Variants in RAB11FIP2 observed in about 807,000 individuals in gnomAD.
RAB11FIP2 encodes the protein RAB11 family interacting protein 2.
In RAB11FIP2, 16 loss-of-function variants were observed where a neutral mutation model predicts 40.9. The ratio of observed to expected loss-of-function variants is 0.39; its 90% CI spans 0.26 to 0.59. RAB11FIP2 has a LOEUF of 0.59. RAB11FIP2 is among the 20% of genes least tolerant of loss of function. The pLI, the probability that RAB11FIP2 is intolerant of heterozygous loss-of-function variation, is 0.53. For synonymous variants in RAB11FIP2, 228 were observed against 213.7 expected (o/e 1.07, Z -0.58); for missense variants, 532 against 606.2 (o/e 0.88, Z 1.28).
rs1260167625 is a variant in RAB11FIP2 at position 118,015,111 on chromosome 10, C to G, written c.1266-1G>C. On this transcript the variant is annotated splice_acceptor_variant, in intron 3 of 4. Transcript: ENST00000355624. LOFTEE classifies it high-confidence loss of function. ...ATTGCTTGTTGGACTCATATGAAAA[C>G]TAATAAAACACAAACAAATGTTAAA... is the stretch of plus-strand genomic sequence containing the variant. 16 of 1,604,478 alleles carry G rather than the reference C, an allele frequency of 1.0e-5. No homozygotes were observed. Among genetic ancestry groups the G allele is most frequent in the Non-Finnish European group, 1.4e-5 (16 of 1,174,840 alleles).
chr10:118,039,100 T>G lies in RAB11FIP2; in HGVS notation c.1137A>C (p.Gly379=). 1 of 1,613,722 alleles carries G rather than the reference T, an allele frequency of 6.2e-7. No homozygotes were observed. The highest frequency in any genetic ancestry group is 1.1e-5 in the South Asian group (1 of 91,058). The change falls in exon 3 of 5, where the codon GGA becomes GGC. Residue 379 remains glycine, a synonymous_variant. Transcript: ENST00000355624. ...ATTTCAAGTCACAAGGGCTATCAGATCCCCCATTGTTAAGTTTATCAGATC... is the reference window on the plus strand; with the variant it reads ...ATTTCAAGTCACAAGGGCTATCAGAGCCCCCATTGTTAAGTTTATCAGATC... ...SRRSDKLNNG[G]SDSPCDLKSP... is the part of the protein sequence containing the mutation.
At chr10:118,013,069 A>G (rs1026559357) in intron 4 of RAB11FIP2, among the ~76,000 whole-genome samples, 4 of 152,092 alleles carry the variant, frequency 2.6e-5, no homozygotes, top group African/African-American at 7.2e-5. Flanking sequence ...CTAGCCTTTT[A>G]AACTAGGAAA....
At position 118,039,148 on chromosome 10, in the gene RAB11FIP2, C is replaced by A. The variant is rs147770106; in HGVS notation, c.1089G>T (p.Val363=). ...ATCTTCTGCTATCTTTTTTTCCAGTCACTCTTTCAAACAGGCTAACTTTCT... is the reference window on the plus strand; with the variant it reads ...ATCTTCTGCTATCTTTTTTTCCAGTAACTCTTTCAAACAGGCTAACTTTCT... ...KREKVSLFER[V]TGKKDSRRSD... The change falls in exon 3 of 5, where the codon GTG becomes GTT. Residue 363 remains valine, a synonymous_variant. Transcript: ENST00000355624. 4.3e-6 allele frequency: 7 copies of A among 1,613,514 alleles called. No individual in the cohort carries two copies. In the African/African-American group the frequency reaches 8.0e-5, roughly 18 times the overall value.
At chr10:118,035,376 T>G (rs1846468064) in intron 3 of RAB11FIP2, among the ~76,000 whole-genome samples, 1 of 152,138 alleles carries the variant, frequency 6.6e-6, no homozygotes, top group South Asian at 2.1e-4. Context: ...AGTAATCCTT[T>G]AAAACTTAGA....
rs375259718 is a variant in RAB11FIP2 at position 118,043,878 on chromosome 10, T to G, written c.353+1933A>C. Among the ~76,000 whole-genome samples, 14 of 152,270 alleles carry G rather than the reference T, an allele frequency of 9.2e-5. No homozygotes were observed. In the South Asian group the frequency reaches 1.5e-3, roughly 16 times the overall value. ...ACAGCTGTGCTAGAAAAGGAAGCTA[T>G]TAAATATATTAAAAAACTAGAAATA... On this transcript the variant is annotated intron_variant, in intron 1 of 4. Transcript: ENST00000355624.
rs571589234 is a variant in RAB11FIP2 at position 118,030,720 on chromosome 10, T to G, written c.1265+8252A>C. ...AGAAAAAAAAAAAACCAGCAAAGTT[T>G]GTCTTTTTTGTTACAGAGCTTTTTT... On this transcript the variant is annotated intron_variant, in intron 3 of 4. Coordinates refer to ENST00000355624, the MANE Select transcript of RAB11FIP2 (RefSeq NM_014904.3). Among the ~76,000 whole-genome samples the G allele has an allele frequency of 3.9e-5, 6 of 152,088 alleles. No individual in the cohort carries two copies. In the South Asian group the frequency reaches 1.2e-3, roughly 32 times the overall value.
chr10:118,039,269 T>A lies in RAB11FIP2; in HGVS notation c.968A>T (p.Asn323Ile). Residue 323 changes from asparagine to isoleucine, a missense_variant, in exon 3 of 5, where the codon AAT becomes ATT. Asn to Ile is a moderately radical substitution (Grantham distance 149). Transcript: ENST00000355624. ...TGTTTCGCTGCTTTCTTCAAATGGATTTTTCTTCCTTGGCAGTGTTGCAAA... is the reference window on the plus strand; with the variant it reads ...TGTTTCGCTGCTTTCTTCAAATGGAATTTTCTTCCTTGGCAGTGTTGCAAA... The part of the protein sequence containing the change: ...QKFATLPRKK[N>I]PFEESSETWD... 1 of 1,613,756 alleles carries A rather than the reference T, an allele frequency of 6.2e-7. No homozygotes were observed. Among genetic ancestry groups the A allele is most frequent in the Non-Finnish European group, 8.5e-7 (1 of 1,179,760 alleles).
intron 3 of RAB11FIP2, among the ~76,000 whole-genome samples, chr10:118,024,203 C>T (rs1846314477): frequency 6.6e-6 from 1 of 151,834 alleles, no homozygotes; most frequent in African/African-American, 2.4e-5. Flanking sequence ...TCCTTTAAAA[C>T]TAAGCTTCTC....
chr10:118,012,113 A>T (rs1183372856), intron 4 of RAB11FIP2, among the ~76,000 whole-genome samples: 1 of 152,054 alleles, frequency 6.6e-6, no homozygotes, highest in African/African-American at 2.4e-5. Flanking sequence ...AATTAAAGCC[A>T]TGATATAAAT....
At position 118,039,964 on chromosome 10, in the gene RAB11FIP2, C is replaced by T. The variant is rs113211814; in HGVS notation, c.796+159G>A. 1,126 of 607,784 alleles carry T rather than the reference C, an allele frequency of 1.9e-3. 10 individuals are homozygous for T. The African/African-American group carries it at 0.019, about 10-fold the overall frequency. 37.6% of individuals were successfully genotyped at this position (607,784 alleles called of 1,614,324 possible). The stretch of plus-strand genomic sequence containing the variant: ...ACAAGCTCTGCCTTCAAGGAACTTA[C>T]CAATTTGAGGTATAGTAGGTACTCA... On this transcript the variant is annotated intron_variant, in intron 2 of 4. Coordinates refer to ENST00000355624, the MANE Select transcript of RAB11FIP2 (RefSeq NM_014904.3).
chr10:118,014,591 TA>T (rs1846194328), intron 4 of RAB11FIP2, among the ~76,000 whole-genome samples: 1 of 152,180 alleles, frequency 6.6e-6, no homozygotes, highest in Non-Finnish European at 1.5e-5. Context: ...ATAAGTGTCC[TA>T]AAGTATTTGT....
At chr10:118,010,921 C>A (rs1175259405) in intron 4 of RAB11FIP2, among the ~76,000 whole-genome samples, 2 of 151,284 alleles carry the variant, frequency 1.3e-5, no homozygotes, top group African/African-American at 2.4e-5. Context: ...CAGACAGGGG[C>A]CGAAATGGAA....
intron 3 of RAB11FIP2, among the ~76,000 whole-genome samples, chr10:118,032,405 G>A (rs959435001): frequency 1.3e-5 from 2 of 149,050 alleles, no homozygotes; most frequent in Non-Finnish European, 3.0e-5. Flanking sequence ...CATTAGGTGC[G>A]TGCGTGCGTG....
rs1431427461 is a variant in RAB11FIP2 at position 118,046,774 on chromosome 10, G to A, written c.-611C>T. On this transcript the variant is annotated 5_prime_UTR_variant, in exon 1 of 5. Coordinates refer to ENST00000355624, the MANE Select transcript of RAB11FIP2 (RefSeq NM_014904.3). ...GGGTAGCCAGGGGTGGAGTGGGGGAGGGCGGGGAACGCGGCCGCCCCGGCG... is the reference window on the plus strand; with the variant it reads ...GGGTAGCCAGGGGTGGAGTGGGGGAAGGCGGGGAACGCGGCCGCCCCGGCG... 1 of 152,184 alleles carries A rather than the reference G, an allele frequency of 6.6e-6. No individual in the cohort carries two copies. The highest frequency in any genetic ancestry group is 1.5e-5 in the Non-Finnish European group (1 of 68,222). The allele number at this position is 152,184 out of a possible 1,614,324, so 9.4% of individuals were successfully genotyped here. A position where few individuals can be genotyped will look rare whatever the true frequency, so the allele number is the denominator to read the frequency against.
intron 3 of RAB11FIP2, among the ~76,000 whole-genome samples, chr10:118,036,100 T>C (rs1846478113): frequency 6.6e-6 from 1 of 152,100 alleles, no homozygotes; most frequent in African/African-American, 2.4e-5. Flanking sequence ...CCTTAGTACA[T>C]TTTAAAATTT....
Position 118,019,779 on chromosome 10 carries a change from T to A in RAB11FIP2, c.1266-4669A>T, listed in dbSNP as rs1422874246. Among the ~76,000 whole-genome samples, 5 of 148,952 alleles carry A rather than the reference T, an allele frequency of 3.4e-5. No individual in the cohort carries two copies. The East Asian group carries it at 1.0e-3, about 30-fold the overall frequency. On this transcript the variant is annotated intron_variant, in intron 3 of 4. Transcript: ENST00000355624. ...AGGCAGAGCTTGCAGTGAGCCGAGA[T>A]CGCGCCACTGCACTCCAACCTGGGG...
At position 118,045,966 on chromosome 10, in the gene RAB11FIP2, G is replaced by A; in HGVS notation, c.198C>T (p.Phe66=). Residue 66 remains phenylalanine (F), a synonymous_variant, in exon 1 of 5, where the codon TTC becomes TTT. Transcript: ENST00000355624. ...CCTGAATTAGCAATCCAGGTAGCTC[G>A]AAAGAGGCCTCCTCCTTCCAAACTG... ...LEPVWKEEAS[F]ELPGLLIQGS... The A allele has an allele frequency of 6.2e-7, 1 of 1,614,192 alleles. No homozygotes were observed. Among genetic ancestry groups the A allele is most frequent in the South Asian group, 1.1e-5 (1 of 91,084 alleles).
chr10:118,037,183 G>C (rs1207690757), intron 3 of RAB11FIP2, among the ~76,000 whole-genome samples: 1 of 152,006 alleles, frequency 6.6e-6, no homozygotes, highest in Non-Finnish European at 1.5e-5. Context: ...GTGAAGTACA[G>C]TATGTAAAAT....
chr10:118,009,559 A>G (rs1161920114), intron 4 of RAB11FIP2, among the ~76,000 whole-genome samples: 2 of 152,150 alleles, frequency 1.3e-5, no homozygotes, highest in Non-Finnish European at 2.9e-5. Flanking sequence ...ATGAAAACTA[A>G]AGATTTCTAA....
Sources: allele counts gnomAD v4.1 joint callset (sites outside exome capture counted in the v4.1 genomes callset), GRCh38; gene constraint gnomAD v4.1.1; transcripts MANE v1.5; gene names NCBI Gene and HGNC (gene_info 2026-07-23, HGNC 2026-07-21).